Variants in ITPKA observed in about 807,000 individuals in gnomAD.
ITPKA encodes the protein inositol-trisphosphate 3-kinase A, also known as IP3 3-kinase A.
ITPKA carries 16 observed loss-of-function variants against 40.7 expected under a neutral mutation model. That is an observed-to-expected ratio of 0.39 (90% CI 0.27 to 0.60). The LOEUF (loss-of-function observed/expected upper bound fraction) is 0.60, where lower values mean the gene tolerates loss of function less well. Among genes scored for constraint, ITPKA ranks in the 20% least tolerant of loss-of-function variants. The pLI is 0.50. For missense variants in ITPKA, 540 were observed against 649.3 expected (o/e 0.83, Z 1.83); for synonymous variants, 313 against 289.9 (o/e 1.08, Z -0.81).
At chr15:41,501,245 C>A in intron 1 of ITPKA, 1 of 880,192 alleles carries the variant, frequency 1.1e-6, no homozygotes, top group Middle Eastern at 5.8e-4. Flanking sequence ...CTTGACAGCT[C>A]ACTGGAGACG....
chr15:41,496,183 G>C (rs1394978647), intron 1 of ITPKA, among the ~76,000 whole-genome samples: 3 of 152,238 alleles, frequency 2.0e-5, no homozygotes, highest in Non-Finnish European at 2.9e-5. Flanking sequence ...ACTTTGCCTC[G>C]CCGCAGGTCC....
In ITPKA at chr15:41,502,389, G is replaced by C. The variant is rs200297289; in HGVS notation, c.1009-13G>C. ...CGGGCCCGGGGCCCCTGACACTCCT[G>C]TCCCACATCCAGAAAGCGGACGGCT... On this transcript the variant is annotated splice_polypyrimidine_tract_variant and intron_variant, in intron 4 of 6. Transcript: ENST00000260386. 5 of 1,578,166 alleles carry C rather than the reference G, an allele frequency of 3.2e-6. No individual in the cohort carries two copies. The East Asian group carries it at 1.1e-4, about 36-fold the overall frequency.
intron 1 of ITPKA, 92 bp from the exon 2 acceptor site, chr15:41,501,371 G>T (rs2140677090): frequency 6.6e-7 from 1 of 1,523,624 alleles, no homozygotes; most frequent in African/African-American, 1.4e-5. Flanking sequence ...CTTCCGGTGG[G>T]TCGGGGGCGT....
intron 1 of ITPKA, among the ~76,000 whole-genome samples, chr15:41,497,953 A>G (rs1051514256): frequency 6.6e-6 from 1 of 152,062 alleles, no homozygotes; most frequent in African/African-American, 2.4e-5. Flanking sequence ...GGAGTTTGAG[A>G]CCAGCCTGGC....
chr15:41,494,270 C>A lies in ITPKA; in HGVS notation c.343C>A (p.Gln115Lys). ...CCCGGCAGCGGGCTCTTCGCACCTG[C>A]AGCAGCCGCGCCGCCTTTCCACCTC... ...CLPAAGSSHL[Q>K]QPRRLSTSSV... Residue 115 changes from glutamine to lysine, a missense_variant, in exon 1 of 7, where the codon CAG (glutamine) becomes AAG (lysine). Physicochemically the swap from Gln to Lys is moderately conservative, Grantham distance 53. Transcript: ENST00000260386. This position sits in a 1 kb window ranked among gnomAD's most constrained non-coding sequence, Gnocchi z 7.8. 1 of 1,547,868 alleles carries A rather than the reference C, an allele frequency of 6.5e-7. No individual in the cohort carries two copies. The highest frequency in any genetic ancestry group is 8.7e-7 in the Non-Finnish European group (1 of 1,154,822).
intron 1 of ITPKA, among the ~76,000 whole-genome samples, chr15:41,497,414 G>A (rs748696707): frequency 1.2e-4 from 18 of 152,180 alleles, no homozygotes; most frequent in Non-Finnish European, 2.4e-4. Flanking sequence ...TTTTAATAGA[G>A]ATGGGGTTTC....
intron 5 of ITPKA, 76 bp downstream of exon 5, chr15:41,502,579 C>A: frequency 1.0e-6 from 1 of 1,000,298 alleles, no homozygotes; most frequent in Non-Finnish European, 1.6e-6. Flanking sequence ...TGGCCCAGTG[C>A]CCTCGGCTGT....
rs150465612 is a variant in ITPKA, at chr15:41,502,130, C to T, written c.937C>T (p.Pro313Ser). 5 of 1,610,058 alleles carry T rather than the reference C, an allele frequency of 3.1e-6. No individual in the cohort carries two copies. The highest frequency in any genetic ancestry group is 8.5e-7 in the Non-Finnish European group (1 of 1,178,714). ...GCACGCGCAGCGCGCCGTCACCAAG[C>T]CGCGCTACATGCAGTGGCGGGAAGG... ...EEHAQRAVTK[P>S]RYMQWREGIS... Residue 313 changes from proline (P) to serine (S), a missense_variant, in exon 4 of 7, where the codon CCG becomes TCG. By Grantham distance (74) the Pro-to-Ser change is moderately conservative (BLOSUM62 -1). Transcript: ENST00000260386.
At position 41,494,310 on chromosome 15, in the gene ITPKA, C is replaced by T. The variant is rs762516764; in HGVS notation, c.383C>T (p.Thr128Ile). 5.8e-6 allele frequency: 9 copies of T among 1,540,572 alleles called. No homozygotes were observed. Among genetic ancestry groups the T allele is most frequent in the African/African-American group, 1.4e-5 (1 of 72,286 alleles). Reference sequence around the variant, plus strand: ...CTTTCCACCTCGTCGGTCTCCTCCACTGGCTCCTCGTCGCTGCTCGAGGAC... The same window carrying T: ...CTTTCCACCTCGTCGGTCTCCTCCATTGGCTCCTCGTCGCTGCTCGAGGAC... ...RRLSTSSVSS[T>I]GSSSLLEDSE... The change falls in exon 1 of 7, where the codon ACT becomes ATT. Residue 128 changes from threonine to isoleucine, a missense_variant. Thr to Ile is a moderately conservative substitution (Grantham distance 89, BLOSUM62 -1). Coordinates refer to ENST00000260386, the MANE Select transcript of ITPKA (RefSeq NM_002220.3). This position sits in a 1 kb window ranked among gnomAD's most constrained non-coding sequence, Gnocchi z 7.8.
rs1365082936 is a variant in ITPKA at position 41,494,963 on chromosome 15, G to A, written c.489+547G>A. ...GTGGACGCAGGGGAGGGAGGGGCGT[G>A]GGCCTGGGAGCTCTGGCTGGGAGCG... On this transcript the variant is annotated intron_variant, in intron 1 of 6. Transcript: ENST00000260386. This position sits in a 1 kb window ranked among gnomAD's most constrained non-coding sequence, Gnocchi z 7.8. Among the ~76,000 whole-genome samples, 2 of 152,322 alleles carry A rather than the reference G, an allele frequency of 1.3e-5. No homozygotes were observed. The highest frequency in any genetic ancestry group is 3.9e-4 in the East Asian group (2 of 5,166).
At chr15:41,496,023 C>T (rs2051068052) in intron 1 of ITPKA, among the ~76,000 whole-genome samples, 1 of 152,252 alleles carries the variant, frequency 6.6e-6, no homozygotes, top group South Asian at 2.1e-4. Context: ...CCGCTGAGGG[C>T]CCTTCCAGCT....
chr15:41,501,486 G>A lies in ITPKA; in HGVS notation c.513G>A (p.Arg171=). The part of the protein sequence containing the change: ...VGQKNHWQKI[R]TMVNLPVISP... ...AGAAAAACCACTGGCAGAAGATCCG[G>A]ACCATGGTCAATCTGCCGGTCATAA... Residue 171 remains arginine, a synonymous_variant, in exon 2 of 7, where the codon CGG becomes CGA. Transcript: ENST00000260386. The A allele has an allele frequency of 1.2e-6, 2 of 1,607,412 alleles. No individual in the cohort carries two copies. The highest frequency in any genetic ancestry group is 1.7e-5 in the Admixed American group (1 of 59,092).
intron 1 of ITPKA, among the ~76,000 whole-genome samples, chr15:41,495,986 C>A (rs2051067794): frequency 6.6e-6 from 1 of 152,260 alleles, no homozygotes; most frequent in Non-Finnish European, 1.5e-5. Context: ...CGCCGCCCTC[C>A]GAGCCGTCGG....
rs1049715049 is a variant in ITPKA, at chr15:41,494,759, G to T, written c.489+343G>T. ...GGGATCGGAGGGGCTGAGCCTTGCC[G>T]GGTGAACCCTCGGAAGGAGAGAGGC... On this transcript the variant is annotated intron_variant, in intron 1 of 6. Transcript: ENST00000260386. The surrounding 1 kb of genome is among the most constrained non-coding windows in gnomAD (Gnocchi z 7.8). Among the ~76,000 whole-genome samples, 1 of 152,222 alleles carries T rather than the reference G, an allele frequency of 6.6e-6. No individual in the cohort carries two copies. Among genetic ancestry groups the T allele is most frequent in the Admixed American group, 6.5e-5 (1 of 15,284 alleles).
rs766108488 is a variant in ITPKA at position 41,502,219 on chromosome 15, C to T, written c.1008+18C>T. The T allele has an allele frequency of 6.4e-7, 1 of 1,551,692 alleles. No individual in the cohort carries two copies. The highest frequency in any genetic ancestry group is 8.7e-7 in the Non-Finnish European group (1 of 1,146,084). On this transcript the variant is annotated intron_variant, in intron 4 of 6. Coordinates refer to ENST00000260386, the MANE Select transcript of ITPKA (RefSeq NM_002220.3). ...GCATCAAGGTGAGGCAGGCGCGCTT[C>T]GCTGGCACCGCCGCAGCCCCACTGC...
At chr15:41,502,572 C>A in intron 5 of ITPKA, 69 bp downstream of exon 5, 1 of 1,025,472 alleles carries the variant, frequency 9.8e-7, no homozygotes, top group Non-Finnish European at 1.5e-6. Context: ...TGTCATCTGG[C>A]CCAGTGCCCT....
rs763253037 is a variant in ITPKA, at chr15:41,502,780, C to A, written c.1111-8C>A. The A allele has an allele frequency of 1.2e-6, 2 of 1,602,948 alleles. No individual in the cohort carries two copies. The highest frequency in any genetic ancestry group is 1.3e-5 in the African/African-American group (1 of 74,666). On this transcript the variant is annotated splice_region_variant and splice_polypyrimidine_tract_variant and intron_variant, in intron 5 of 6. Transcript: ENST00000260386. ...ATTTGCCCTCCTCTCCCACCCCACC[C>A]TCTGCAGAGGCGGTATCTGAACCGC... is the stretch of plus-strand genomic sequence containing the variant.
In ITPKA at chr15:41,503,476, T is replaced by TAGCA; in HGVS notation, c.*314_*317dup. 1.6e-6 allele frequency: 1 copy of TAGCA among 616,966 alleles called. No individual in the cohort carries two copies. The allele number at this position is 616,966 out of a possible 1,614,324, so 38.2% of individuals were successfully genotyped here. The stretch of plus-strand genomic sequence containing the variant: ...GAGGTGCCAGACCGCGGATTTTATT[T>TAGCA]AGCAAGCCCAGACCTTCCGGTCTAA... On this transcript the variant is annotated 3_prime_UTR_variant, in exon 7 of 7. Transcript: ENST00000260386.
intron 6 of ITPKA, 27 bp downstream of exon 6, chr15:41,502,886 G>A (rs1595451411): frequency 2.5e-6 from 4 of 1,609,420 alleles, no homozygotes; most frequent in Non-Finnish European, 3.4e-6. Context: ...CGGGTGCCCG[G>A]GCCGCGAGGG....
Sources: allele counts gnomAD v4.1 joint callset (sites outside exome capture counted in the v4.1 genomes callset), GRCh38; gene constraint gnomAD v4.1.1; non-coding constraint Gnocchi (gnomAD v3.1); transcripts MANE v1.5; gene names NCBI Gene and HGNC (gene_info 2026-07-23, HGNC 2026-07-21).